Variants in TENM2 observed in about 807,000 individuals in gnomAD.
TENM2 encodes the protein teneurin transmembrane protein 2, also known as teneurin-2.
Under a neutral mutation model 245.2 loss-of-function variants are expected in TENM2, and 52 were observed. The ratio of observed to expected loss-of-function variants is 0.21; its 90% CI spans 0.17 to 0.27. The LOEUF is 0.27. Among genes scored for constraint, TENM2 ranks in the 10% least tolerant of loss-of-function variants. TENM2 has a pLI of 1.00. For synonymous variants in TENM2, 1,363 were observed against 1,438.9 expected (o/e 0.95, Z 1.19); for missense variants, 3,046 against 3,666.8 (o/e 0.83, Z 4.37).
At chr5:167,253,254 C>CTTTTTTTTTTTTT in the TENM2 span, among the ~76,000 whole-genome samples, 1 of 137,236 alleles carries the variant, frequency 7.3e-6, no homozygotes, top group Non-Finnish European at 1.6e-5. Context: ...ACAGGCCTGG[C>CTTTTTTTTTTTTT]TTTTTTTTTT....
intron 5 of TENM2, among the ~76,000 whole-genome samples, chr5:168,015,024 G>A (rs1252877009): frequency 1.3e-5 from 2 of 152,212 alleles, no homozygotes; most frequent in East Asian, 3.9e-4. Context: ...AAACAAGCCT[G>A]TAACTGATCC....
exon 28 of TENM2, chr5:168,260,363 G>C: frequency 1.2e-6 from 2 of 1,613,934 alleles, no homozygotes; most frequent in Non-Finnish European, 1.7e-6. Context: ...AATGTATTTC[G>C]TGCCTCCTCC....
the TENM2 span, among the ~76,000 whole-genome samples, chr5:167,189,547 TTCTTTCTTTC>T: frequency 6.6e-6 from 1 of 151,810 alleles, no homozygotes; most frequent in African/African-American, 2.4e-5. Flanking sequence ...CGTTCTCTCT[TTCTTTCTTTC>T]TCTTTCTTTT....
At chr5:167,211,278 A>G in the TENM2 span, among the ~76,000 whole-genome samples, 2 of 152,198 alleles carry the variant, frequency 1.3e-5, no homozygotes, top group African/African-American at 4.8e-5. Context: ...TTAAAAAACT[A>G]CACTGTTTCA....
the TENM2 span, among the ~76,000 whole-genome samples, chr5:167,051,452 T>A: frequency 3.3e-5 from 5 of 150,226 alleles, no homozygotes; most frequent in African/African-American, 1.2e-4. Context: ...AAGCTTGGAG[T>A]GTACATTTCC....
intron 4 of TENM2, among the ~76,000 whole-genome samples, chr5:167,985,582 G>A (rs1783182929): frequency 6.6e-6 from 1 of 152,192 alleles, no homozygotes; most frequent in Non-Finnish European, 1.5e-5. Flanking sequence ...GAGATTGTGG[G>A]ATACGGGGTG....
chr5:167,119,410 G>A, the TENM2 span: 9 of 152,162 alleles, frequency 5.9e-5, no homozygotes, highest in Non-Finnish European at 8.8e-5. Flanking sequence ...TCCATTTTGT[G>A]CTGCTCTAAT....
intron 2 of TENM2, among the ~76,000 whole-genome samples, chr5:167,792,193 G>A (rs1390010771): frequency 1.3e-5 from 2 of 152,070 alleles, no homozygotes; most frequent in African/African-American, 4.8e-5. Context: ...CATGCCTTAA[G>A]TAAATCATAA....
At chr5:167,154,790 A>G in the TENM2 span, among the ~76,000 whole-genome samples, 1 of 152,230 alleles carries the variant, frequency 6.6e-6, no homozygotes, top group African/African-American at 2.4e-5. Context: ...AAAAATGGGA[A>G]AAATTAGAAG....
chr5:167,025,022 A>G, the TENM2 span, among the ~76,000 whole-genome samples: 1 of 152,170 alleles, frequency 6.6e-6, no homozygotes, highest in East Asian at 1.9e-4. Flanking sequence ...TTGTAGACTG[A>G]CAGTGATATT....
At chr5:167,443,994 C>T (rs1482210243) in intron 2 of TENM2, among the ~76,000 whole-genome samples, 1 of 151,788 alleles carries the variant, frequency 6.6e-6, no homozygotes, top group Non-Finnish European at 1.5e-5. Flanking sequence ...TTAAAATAGC[C>T]CTAAAATATT....
At chr5:168,145,610 A>G (rs1384737842) in intron 12 of TENM2, among the ~76,000 whole-genome samples, 3 of 151,940 alleles carry the variant, frequency 2.0e-5, no homozygotes, top group Admixed American at 6.6e-5. Context: ...GAAGTCAGGT[A>G]GTGTGATGCC....
intron 2 of TENM2, among the ~76,000 whole-genome samples, chr5:167,657,716 C>A (rs1312487426): frequency 6.6e-6 from 1 of 152,092 alleles, no homozygotes; most frequent in East Asian, 1.9e-4. Context: ...AACTCTCTCA[C>A]TGGGCTGAGT....
At chr5:167,146,373 A>G in the TENM2 span, among the ~76,000 whole-genome samples, 1 of 152,168 alleles carries the variant, frequency 6.6e-6, no homozygotes, top group Non-Finnish European at 1.5e-5. Context: ...TTCTATTTCA[A>G]TATTCTTTTC....
chr5:167,895,770 G>T (rs1775167559), intron 3 of TENM2, among the ~76,000 whole-genome samples: 1 of 152,138 alleles, frequency 6.6e-6, no homozygotes, highest in African/African-American at 2.4e-5. Flanking sequence ...TTAAAGCCCT[G>T]CGATTCCTGT....
the TENM2 span, among the ~76,000 whole-genome samples, chr5:167,278,871 AT>A: frequency 6.6e-6 from 1 of 152,194 alleles, no homozygotes; most frequent in Non-Finnish European, 1.5e-5. Flanking sequence ...TGCTTTCCAC[AT>A]TCTCGCTAAC....
chr5:167,158,871 C>A, the TENM2 span, among the ~76,000 whole-genome samples: 1 of 140,744 alleles, frequency 7.1e-6, no homozygotes, highest in African/African-American at 2.7e-5. Flanking sequence ...TTCCTTCCTT[C>A]CTTCCTTCCT....
chr5:168,165,804 A>G (rs1256858725), intron 13 of TENM2: 1 of 151,904 alleles, frequency 6.6e-6, no homozygotes, highest in African/African-American at 2.4e-5. Context: ...ACAAAGAAAA[A>G]AAAAAAAAAA....
chr5:168,135,593 A>G (rs137891723), intron 12 of TENM2, among the ~76,000 whole-genome samples: 97 of 152,328 alleles, frequency 6.4e-4, no homozygotes, highest in Middle Eastern at 3.4e-3. Context: ...TTAATGGGTA[A>G]TAAAGAACCC....
Sources: gnomAD v4.1 joint callset for allele counts (sites outside exome capture counted in the v4.1 genomes callset) on GRCh38, gnomAD v4.1.1 for gene constraint, MANE v1.5 for transcripts, NCBI Gene and HGNC (gene_info 2026-07-23, HGNC 2026-07-21) for gene names.